The following CDH4 variants were observed in gnomAD, a reference collection of about 807,000 sequenced individuals.
The protein encoded by CDH4 is cadherin-4.
In CDH4, 33 loss-of-function variants were observed where a neutral mutation model predicts 86.0. That is an observed-to-expected ratio of 0.38 (90% CI 0.29 to 0.51). The LOEUF (loss-of-function observed/expected upper bound fraction) is 0.51. CDH4 is among the 20% of genes least tolerant of loss of function. CDH4 has a pLI of 0.86. For missense variants in CDH4, 1,114 were observed against 1,307.4 expected (o/e 0.85, Z 2.28); for synonymous variants, 555 against 549.4 (o/e 1.01, Z -0.14).
intron 2 of CDH4, among the ~76,000 whole-genome samples, chr20:61,372,932 C>T (rs2084848324): frequency 6.6e-6 from 1 of 152,276 alleles, no homozygotes. Context: ...ACACGCAACC[C>T]CAGCCCCGTG....
chr20:61,786,463 C>A (rs189970149), intron 4 of CDH4, among the ~76,000 whole-genome samples: 3 of 152,172 alleles, frequency 2.0e-5, no homozygotes, highest in African/African-American at 7.2e-5. Flanking sequence ...ACTCTACTGC[C>A]CTGGGTTGTG....
intron 15 of CDH4, 93 bp downstream of exon 15, chr20:61,934,313 C>G: frequency 7.4e-7 from 1 of 1,357,804 alleles, no homozygotes; most frequent in Middle Eastern, 2.0e-4. Flanking sequence ...TCCACAGTGC[C>G]GGCGGCTGCC....
intron 2 of CDH4, among the ~76,000 whole-genome samples, chr20:61,711,307 C>A (rs1026043161): frequency 1.3e-5 from 2 of 152,222 alleles, no homozygotes; most frequent in African/African-American, 2.4e-5. Flanking sequence ...CCATGCTGAA[C>A]TGTGAGTCAA....
intron 5 of CDH4, among the ~76,000 whole-genome samples, chr20:61,845,401 G>A (rs905796426): frequency 6.6e-6 from 1 of 152,204 alleles, no homozygotes. Flanking sequence ...GTGGGGCTGC[G>A]GCCTCAGCTT....
At chr20:61,565,094 GGTGGTGCTCTTGGTGGTGCTGGTGCTCT>G (rs1568688016) in intron 2 of CDH4, among the ~76,000 whole-genome samples, 4 of 134,512 alleles carry the variant, frequency 3.0e-5, no homozygotes, top group Non-Finnish European at 4.9e-5. Flanking sequence ...TGGTGCTCTT[GGTGGTGCTCTTGGTGGTGCTGGTGCTCT>G]TGGTGGTGCT....
chr20:61,282,714 GGT>G (rs1376619713), intron 2 of CDH4, among the ~76,000 whole-genome samples: 1 of 152,332 alleles, frequency 6.6e-6, no homozygotes, highest in East Asian at 1.9e-4. Flanking sequence ...CATGTGAGTT[GGT>G]GTGTGTGCAT....
chr20:61,457,314 G>T (rs76190811), intron 2 of CDH4, among the ~76,000 whole-genome samples: 6,118 of 152,208 alleles, frequency 0.04, 421 homozygotes, highest in African/African-American at 0.14. Context: ...TGGAGCAAAA[G>T]GGTGGCTTGT....
At chr20:61,456,887 G>A (rs1239106040) in intron 2 of CDH4, among the ~76,000 whole-genome samples, 2 of 152,312 alleles carry the variant, frequency 1.3e-5, no homozygotes, top group African/African-American at 2.4e-5. Context: ...CTTCTCCTGG[G>A]GGTGAGTAAG....
At chr20:61,296,560 A>C (rs1192214997) in intron 2 of CDH4, among the ~76,000 whole-genome samples, 4 of 152,148 alleles carry the variant, frequency 2.6e-5, no homozygotes, top group African/African-American at 9.7e-5. Context: ...CCCACACACA[A>C]ACAGAAATCA....
chr20:61,397,368 G>A (rs948167453), intron 2 of CDH4, among the ~76,000 whole-genome samples: 7 of 147,430 alleles, frequency 4.7e-5, no homozygotes, highest in African/African-American at 1.5e-4. Flanking sequence ...GCCAGGTCCC[G>A]AATTCATGTT....
chr20:61,644,537 C>A (rs1300007815), intron 2 of CDH4, among the ~76,000 whole-genome samples: 2 of 152,112 alleles, frequency 1.3e-5, no homozygotes, highest in African/African-American at 4.8e-5. Flanking sequence ...CGTGAGCGGG[C>A]TTTCCAGGAA....
rs2085981182 is a variant in CDH4 at position 61,534,653 on chromosome 20, CTTTCTTTCTTTCT to C, written c.170-208906_170-208894del. On this transcript the variant is annotated intron_variant, in intron 2 of 15. Transcript: ENST00000614565. Reference sequence around the variant, plus strand: ...GTTTTTTCTTTTCTTTCTTTCTTTTCTTTCTTTCTTTCTTTTTTTTTTTTTTTTTTTTTTGAGG... The same window carrying C: ...GTTTTTTCTTTTCTTTCTTTCTTTTCTTTTTTTTTTTTTTTTTTTTTGAGG... Among the ~76,000 whole-genome samples the C allele has an allele frequency of 8.6e-5, 8 of 92,742 alleles. 1 individual carries two copies. In the East Asian group the frequency reaches 1.7e-3, roughly 20 times the overall value. 60.8% of individuals were successfully genotyped at this position (92,742 alleles called of 152,430 possible).
At chr20:61,899,490 T>C (rs1443213937) in intron 8 of CDH4, among the ~76,000 whole-genome samples, 2 of 152,030 alleles carry the variant, frequency 1.3e-5, no homozygotes, top group Non-Finnish European at 2.9e-5. Flanking sequence ...TGCAGTGGCG[T>C]GGTCTCGGCT....
chr20:61,665,147 G>A (rs953868661), intron 2 of CDH4, among the ~76,000 whole-genome samples: 3 of 152,182 alleles, frequency 2.0e-5, no homozygotes, highest in Admixed American at 6.5e-5. Context: ...TCCGGGTGCC[G>A]CAGCCTGAAG....
At chr20:61,733,856 A>T (rs373720445) in intron 2 of CDH4, among the ~76,000 whole-genome samples, 1 of 152,338 alleles carries the variant, frequency 6.6e-6, no homozygotes, top group East Asian at 1.9e-4. Context: ...CAATTCACCT[A>T]ACAAGAAAAA....
intron 2 of CDH4, among the ~76,000 whole-genome samples, chr20:61,505,922 G>A (rs1214837039): frequency 7.0e-6 from 1 of 143,142 alleles, no homozygotes; most frequent in African/African-American, 2.5e-5. Context: ...TTGATGTGTT[G>A]AGAAAGGAAC....
chr20:61,457,877 A>G (rs2085417648), intron 2 of CDH4, among the ~76,000 whole-genome samples: 1 of 142,656 alleles, frequency 7.0e-6, no homozygotes. Flanking sequence ...TGGTGATGGT[A>G]TGACTGACAC....
At chr20:61,726,619 G>A (rs1164905308) in intron 2 of CDH4, among the ~76,000 whole-genome samples, 1 of 151,860 alleles carries the variant, frequency 6.6e-6, no homozygotes, top group African/African-American at 2.4e-5. Flanking sequence ...CACCATCACT[G>A]CCATCATCAT....
intron 2 of CDH4, among the ~76,000 whole-genome samples, chr20:61,569,606 C>A (rs1179843039): frequency 6.6e-6 from 1 of 152,192 alleles, no homozygotes; most frequent in Non-Finnish European, 1.5e-5. Context: ...AATGCAATTA[C>A]TAAATTCAGG....
Sources: gnomAD v4.1 joint callset for allele counts (sites outside exome capture counted in the v4.1 genomes callset) on GRCh38, gnomAD v4.1.1 for gene constraint, MANE v1.5 for transcripts, NCBI Gene and HGNC (gene_info 2026-07-23, HGNC 2026-07-21) for gene names.